Variants in RPS6KA6 observed in about 807,000 individuals in gnomAD.
RPS6KA6 encodes ribosomal protein S6 kinase A6.
A neutral mutation model predicts 65.4 loss-of-function variants in RPS6KA6; 27 were observed. The observed-to-expected ratio is 0.41, with a 90% CI of 0.30 to 0.57. RPS6KA6 has a LOEUF of 0.57. Ranked by LOEUF, RPS6KA6 falls within the 20% of genes least tolerant of loss-of-function variation. The probability of loss-of-function intolerance (pLI) is 0.24; values close to 1 mark genes in which losing one functional copy is unlikely to be tolerated. For missense variants in RPS6KA6, 486 were observed against 555.6 expected (o/e 0.87, Z 1.26); for synonymous variants, 190 against 184.2 (o/e 1.03, Z -0.26).
chrX:84,110,991 A>AATAT (rs753011876), intron 12 of RPS6KA6, among the ~76,000 whole-genome samples: 91 of 102,413 alleles, frequency 8.9e-4, no homozygotes, highest in Admixed American at 5.7e-3. Context: ...AAGATAAATA[A>AATAT]ATATATATAT....
At chrX:84,066,020 G>A (rs1391700198) in intron 20 of RPS6KA6, among the ~76,000 whole-genome samples, 1 of 110,841 alleles carries the variant, frequency 9.0e-6, no homozygotes, top group East Asian at 2.9e-4. Context: ...AAGGAGCCAG[G>A]GGACCTCTCT....
At chrX:84,166,000 C>A (rs2147612333) in intron 1 of RPS6KA6, among the ~76,000 whole-genome samples, 1 of 111,916 alleles carries the variant, frequency 8.9e-6, no homozygotes, top group South Asian at 3.7e-4. Context: ...AACACAAGTC[C>A]TGGTCACAAC....
In RPS6KA6 at chrX:84,164,396, C is replaced by CA; in HGVS notation, c.82-10dup. ...ATTTTAAGACCATTTACCTGAAAAA[C>CA]ATTGTTCAAAAATTGAGGTTCAAAA... On this transcript the variant is annotated splice_polypyrimidine_tract_variant and intron_variant, in intron 1 of 21. Coordinates refer to ENST00000262752, the MANE Select transcript of RPS6KA6 (RefSeq NM_014496.5). 1 of 1,171,396 alleles carries CA rather than the reference C, an allele frequency of 8.5e-7. No individual in the cohort carries two copies. Among genetic ancestry groups the CA allele is most frequent in the East Asian group, 3.0e-5 (1 of 33,265 alleles).
intron 3 of RPS6KA6, among the ~76,000 whole-genome samples, chrX:84,149,677 T>C (rs1363467246): frequency 9.0e-6 from 1 of 111,538 alleles, no homozygotes; most frequent in African/African-American, 3.3e-5. Flanking sequence ...CTTAAAATAC[T>C]TAGCACACCA....
At chrX:84,171,159 C>G (rs2035677289) in intron 1 of RPS6KA6, among the ~76,000 whole-genome samples, 1 of 111,273 alleles carries the variant, frequency 9.0e-6, no homozygotes, top group South Asian at 3.8e-4. Flanking sequence ...CAATGCAGAA[C>G]AGCTGAAACC....
intron 2 of RPS6KA6, among the ~76,000 whole-genome samples, chrX:84,161,084 T>C (rs1036317873): frequency 4.5e-5 from 5 of 111,237 alleles, no homozygotes; most frequent in African/African-American, 9.8e-5. Context: ...ACTGAGAACT[T>C]TGAAAACCAC....
chrX:84,070,511 A>G (rs1286354406), intron 20 of RPS6KA6, among the ~76,000 whole-genome samples: 3 of 110,858 alleles, frequency 2.7e-5, no homozygotes, highest in Non-Finnish European at 5.7e-5. Flanking sequence ...GTATACCTAT[A>G]TAACAAACCT....
At chrX:84,168,972 T>C (rs1308736539) in intron 1 of RPS6KA6, among the ~76,000 whole-genome samples, 32 of 112,222 alleles carry the variant, frequency 2.9e-4, no homozygotes, top group African/African-American at 1.0e-3. Context: ...ATACTTACTA[T>C]AATTTAAATC....
intron 12 of RPS6KA6, among the ~76,000 whole-genome samples, 189 bp from the exon 13 acceptor site, chrX:84,107,914 C>T (rs2034392304): frequency 8.9e-6 from 1 of 111,951 alleles, no homozygotes; most frequent in Admixed American, 9.5e-5. Flanking sequence ...GGCCAAGAAA[C>T]ATAGCAATGA....
intron 2 of RPS6KA6, among the ~76,000 whole-genome samples, chrX:84,163,730 T>C (rs939750310): frequency 3.6e-5 from 4 of 110,568 alleles, no homozygotes; most frequent in African/African-American, 1.3e-4. Flanking sequence ...TAAATGTAGA[T>C]GCTGATTTAG....
intron 6 of RPS6KA6, among the ~76,000 whole-genome samples, chrX:84,138,025 G>A: frequency 9.0e-6 from 1 of 111,586 alleles, no homozygotes; most frequent in Non-Finnish European, 1.9e-5. Flanking sequence ...TTATTATAGG[G>A]TAATTGTTTT....
At chrX:84,086,145 T>C (rs2033916555) in intron 20 of RPS6KA6, among the ~76,000 whole-genome samples, 1 of 111,565 alleles carries the variant, frequency 9.0e-6, no homozygotes, top group Non-Finnish European at 1.9e-5. Flanking sequence ...GGGTTTTTTG[T>C]GTCTCTATAT....
chrX:84,078,222 T>C (rs2033702202), intron 20 of RPS6KA6, among the ~76,000 whole-genome samples: 1 of 112,163 alleles, frequency 8.9e-6, no homozygotes, highest in Non-Finnish European at 1.9e-5. Context: ...CATTAGTCAC[T>C]AGGGAAATGC....
At chrX:84,187,489 G>T (rs2035941451) in intron 1 of RPS6KA6, 1 of 198,619 alleles carries the variant, frequency 5.0e-6, no homozygotes, top group Admixed American at 7.7e-5. Flanking sequence ...AGGGACGCGC[G>T]GAGTCAGGCA....
At chrX:84,182,724 GA>G (rs2035874609) in intron 1 of RPS6KA6, among the ~76,000 whole-genome samples, 1 of 111,862 alleles carries the variant, frequency 8.9e-6, no homozygotes, top group African/African-American at 3.3e-5. Flanking sequence ...TGACTTGGAG[GA>G]ACTGAGAAGG....
chrX:84,064,804 G>C (rs1339093494), intron 21 of RPS6KA6, among the ~76,000 whole-genome samples, 167 bp downstream of exon 21: 1 of 111,599 alleles, frequency 9.0e-6, no homozygotes, highest in Non-Finnish European at 1.9e-5. Context: ...CTGAAAGGCA[G>C]TAGTAAAGTA....
chrX:84,085,714 C>T (rs1299458198), intron 20 of RPS6KA6, among the ~76,000 whole-genome samples: 1 of 111,569 alleles, frequency 9.0e-6, no homozygotes, highest in African/African-American at 3.3e-5. Context: ...GGGAGGAGTC[C>T]CTCCTTTTCG....
chrX:84,161,000 T>C (rs931785546), intron 2 of RPS6KA6, among the ~76,000 whole-genome samples: 4 of 110,612 alleles, frequency 3.6e-5, no homozygotes, highest in Non-Finnish European at 7.6e-5. Context: ...CTTACGAGGG[T>C]CAGCTCCTTA....
chrX:84,146,578 C>A (rs1249724572), intron 5 of RPS6KA6, among the ~76,000 whole-genome samples: 1 of 111,532 alleles, frequency 9.0e-6, no homozygotes, highest in Admixed American at 9.6e-5. Context: ...AGTAGACTAA[C>A]ATAACTACAT....
Sources: allele counts gnomAD v4.1 joint callset (sites outside exome capture counted in the v4.1 genomes callset), GRCh38; gene constraint gnomAD v4.1.1; transcripts MANE v1.5; gene names NCBI Gene and HGNC (gene_info 2026-07-23, HGNC 2026-07-21).